CNTNAP3B: variants seen among roughly 807,000 people sequenced by gnomAD.
The protein encoded by CNTNAP3B is contactin-associated protein-like 3B.
CNTNAP3B carries 25 observed loss-of-function variants against 108.9 expected under a neutral mutation model. The ratio of observed to expected loss-of-function variants is 0.23; its 90% CI spans 0.17 to 0.32. The LOEUF (loss-of-function observed/expected upper bound fraction) is 0.32, where lower values mean the gene tolerates loss of function less well. CNTNAP3B is among the 10% of genes least tolerant of loss of function. The probability of loss-of-function intolerance (pLI) is 1.00; values close to 1 mark genes in which losing one functional copy is unlikely to be tolerated. For missense variants in CNTNAP3B, 252 were observed against 1,210.4 expected (o/e 0.21, Z 11.75); for synonymous variants, 103 against 473.4 (o/e 0.22, Z 10.16).
chr9:42,112,921 T>C (rs1054066185), intron 1 of CNTNAP3B, among the ~76,000 whole-genome samples: 2 of 123,098 alleles, frequency 1.6e-5, no homozygotes, highest in African/African-American at 3.3e-5. Context: ...CCAGGCTAAA[T>C]TTTTTTTGTA....
At chr9:41,921,105 T>C (rs1157594892) in intron 17 of CNTNAP3B, among the ~76,000 whole-genome samples, 15 of 152,290 alleles carry the variant, frequency 9.8e-5, no homozygotes, top group African/African-American at 3.4e-4. Flanking sequence ...TCGGTGGGCC[T>C]AAGGTGGGGG....
chr9:41,981,982 C>A (rs1451710374), intron 9 of CNTNAP3B, among the ~76,000 whole-genome samples: 3 of 81,552 alleles, frequency 3.7e-5, no homozygotes, highest in African/African-American at 5.2e-5. Context: ...GGCGGGGGAA[C>A]CTCTTAAGCC....
At position 42,113,201 on chromosome 9, in the gene CNTNAP3B, C is replaced by A. The variant is rs2118719348; in HGVS notation, c.86-8462G>T. 1.5e-5 allele frequency among the ~76,000 whole-genome samples: 2 copies of A among 134,876 alleles called. 1 individual carries two copies. The highest frequency in any genetic ancestry group is 4.8e-4 in the South Asian group (2 of 4,134). 88.5% of individuals were successfully genotyped at this position (134,876 alleles called of 152,430 possible). On this transcript the variant is annotated intron_variant, in intron 1 of 23. Transcript: ENST00000377561. ...ATGAGAAGATAATGGACAAAGAGAT[C>A]TGCTGGATTGAGATGAGATAATGGG...
intron 13 of CNTNAP3B, among the ~76,000 whole-genome samples, chr9:41,941,380 A>G (rs1404419501): frequency 2.8e-5 from 4 of 145,266 alleles, no homozygotes; most frequent in Admixed American, 6.9e-5. Context: ...CAAAACTTAA[A>G]TTTGAAAGAA....
chr9:42,037,388 G>T (rs932989546), intron 3 of CNTNAP3B, among the ~76,000 whole-genome samples: 14 of 126,128 alleles, frequency 1.1e-4, no homozygotes, highest in Non-Finnish European at 2.3e-4. Context: ...CTTCAAAAAA[G>T]ATTACACGAA....
chr9:42,016,651 A>T (rs1826220563), intron 3 of CNTNAP3B, among the ~76,000 whole-genome samples: 1 of 151,948 alleles, frequency 6.6e-6, no homozygotes, highest in Non-Finnish European at 1.5e-5. Context: ...GCAGAGGATT[A>T]CGTCTTCATT....
chr9:41,917,045 C>G (rs1336690842), intron 18 of CNTNAP3B, among the ~76,000 whole-genome samples: 12 of 152,288 alleles, frequency 7.9e-5, no homozygotes, highest in African/African-American at 2.9e-4. Flanking sequence ...CTGTATTTCA[C>G]TGAGCTTCTG....
At position 41,973,748 on chromosome 9, in the gene CNTNAP3B, A is replaced by G. The variant is rs1233438186; in HGVS notation, c.1478-3503T>C. ...CCGTACAGAGTGCTGCTTGAAAAAC[A>G]CTTCAAAAAGATGAAATCACAGACC... On this transcript the variant is annotated intron_variant, in intron 9 of 23. Transcript: ENST00000377561. Among the ~76,000 whole-genome samples, 8 of 139,918 alleles carry G rather than the reference A, an allele frequency of 5.7e-5. 1 individual carries two copies. Among genetic ancestry groups the G allele is most frequent in the African/African-American group, 2.3e-4 (8 of 35,356 alleles). 91.8% of individuals were successfully genotyped at this position (139,918 alleles called of 152,430 possible).
In CNTNAP3B at chr9:42,095,720, A is replaced by G. The variant is rs566779774; in HGVS notation, c.196+8909T>C. Among the ~76,000 whole-genome samples the G allele has an allele frequency of 5.5e-4, 77 of 138,968 alleles. 15 individuals are homozygous for G. The highest frequency in any genetic ancestry group is 8.8e-4 in the Non-Finnish European group (57 of 64,890). The allele number at this position is 138,968 out of a possible 152,430, so 91.2% of individuals were successfully genotyped here. Reference sequence around the variant, plus strand: ...TCACAACAGGTGTCTCCGTCCAGTTAAGGGATAAGCCTGTCAGTTCGTGTC... The same window carrying G: ...TCACAACAGGTGTCTCCGTCCAGTTGAGGGATAAGCCTGTCAGTTCGTGTC... On this transcript the variant is annotated intron_variant, in intron 2 of 23. Transcript: ENST00000377561.
intron 3 of CNTNAP3B, among the ~76,000 whole-genome samples, chr9:42,061,429 T>A (rs1827177398): frequency 7.6e-6 from 1 of 131,370 alleles, no homozygotes; most frequent in African/African-American, 3.1e-5. Flanking sequence ...GCAATTCCCC[T>A]ACCTCAGCCT....
chr9:42,117,998 G>C lies in CNTNAP3B; in HGVS notation c.85+11012C>G, dbSNP rs1384589776. Among the ~76,000 whole-genome samples the C allele has an allele frequency of 1.5e-5, 2 of 133,520 alleles. 1 individual carries two copies. The highest frequency in any genetic ancestry group is 6.0e-5 in the African/African-American group (2 of 33,410). The allele number at this position is 133,520 out of a possible 152,430, so 87.6% of individuals were successfully genotyped here. ...CAGGAAAAAGTTGAATCTCTGAATA[G>C]ACCAATAACAGGCTCTGAAATTGAG... On this transcript the variant is annotated intron_variant, in intron 1 of 23. Transcript: ENST00000377561.
In CNTNAP3B at chr9:42,107,121, T is replaced by C. The variant is rs573197989; in HGVS notation, c.86-2382A>G. Among the ~76,000 whole-genome samples, 2 of 87,124 alleles carry C rather than the reference T, an allele frequency of 2.3e-5. 1 individual carries two copies. Among genetic ancestry groups the C allele is most frequent in the African/African-American group, 8.8e-5 (2 of 22,676 alleles). The allele number at this position is 87,124 out of a possible 152,430, so 57.2% of individuals were successfully genotyped here. A position where few individuals can be genotyped will look rare whatever the true frequency, so the allele number is the denominator to read the frequency against. ...TTCACGTGTCCCTGGGATTCCTGGC[T>C]GACATGTCTAACTCTCTCTGTGGAA... On this transcript the variant is annotated intron_variant, in intron 1 of 23. Coordinates refer to ENST00000377561, the MANE Select transcript of CNTNAP3B (RefSeq NM_001201380.3).
At chr9:42,115,943 A>G (rs1451670832) in intron 1 of CNTNAP3B, among the ~76,000 whole-genome samples, 1 of 132,932 alleles carries the variant, frequency 7.5e-6, no homozygotes, top group East Asian at 2.3e-4. Flanking sequence ...GGATGTTCGA[A>G]CCCGTCGCAA....
intron 14 of CNTNAP3B, among the ~76,000 whole-genome samples, chr9:41,937,174 C>A (rs1356162256): frequency 2.7e-5 from 4 of 149,194 alleles, no homozygotes; most frequent in Middle Eastern, 7.0e-3. Context: ...GTCGCCCAGG[C>A]TGGAGTGCAG....
At position 41,939,773 on chromosome 9, in the gene CNTNAP3B, AT is replaced by A. The variant is rs903710043; in HGVS notation, c.2081-1374del. Among the ~76,000 whole-genome samples the A allele has an allele frequency of 5.2e-5, 8 of 152,382 alleles. No homozygotes were observed. The East Asian group carries it at 9.6e-4, about 18-fold the overall frequency. Reference sequence around the variant, plus strand: ...ATTCCCCATAAAGTAGTAAAAATGTATTTTTTTAGAAACAGTAACAAAAAGA... The same window carrying A: ...ATTCCCCATAAAGTAGTAAAAATGTATTTTTTAGAAACAGTAACAAAAAGA... On this transcript the variant is annotated intron_variant, in intron 13 of 23. Transcript: ENST00000377561.
At chr9:42,121,333 G>T (rs1334255224) in intron 1 of CNTNAP3B, among the ~76,000 whole-genome samples, 1 of 139,360 alleles carries the variant, frequency 7.2e-6, no homozygotes, top group South Asian at 2.3e-4. Context: ...CTTTCTAAAA[G>T]AGGCTACCTG....
intron 13 of CNTNAP3B, among the ~76,000 whole-genome samples, chr9:41,944,488 A>G (rs1824463722): frequency 6.6e-6 from 1 of 152,296 alleles, no homozygotes; most frequent in Admixed American, 6.5e-5. Context: ...GTAGATTGTT[A>G]TAGTGTATAT....
intron 3 of CNTNAP3B, among the ~76,000 whole-genome samples, chr9:42,042,480 G>T (rs1306862025): frequency 4.2e-5 from 6 of 141,206 alleles, no homozygotes. Context: ...CTGTGATTAA[G>T]AATAGTGGGG....
At chr9:41,925,286 T>C (rs1368908424) in intron 15 of CNTNAP3B, among the ~76,000 whole-genome samples, 3 of 151,216 alleles carry the variant, frequency 2.0e-5, no homozygotes, top group Non-Finnish European at 4.4e-5. Context: ...TTGGTTGACA[T>C]GCCTACGTTA....
Sources: allele counts gnomAD v4.1 joint callset (sites outside exome capture counted in the v4.1 genomes callset), GRCh38; gene constraint gnomAD v4.1.1; transcripts MANE v1.5; gene names NCBI Gene and HGNC (gene_info 2026-07-23, HGNC 2026-07-21).